PRKD3: variants seen among roughly 807,000 people sequenced by gnomAD.
The protein encoded by PRKD3 is protein kinase D3.
Under a neutral mutation model 99.2 loss-of-function variants are expected in PRKD3, and 47 were observed. The ratio of observed to expected loss-of-function variants is 0.47; its 90% CI spans 0.38 to 0.60. The LOEUF is 0.60. Ranked by LOEUF, PRKD3 falls within the 20% of genes least tolerant of loss-of-function variation. The pLI is 0.00. For missense variants in PRKD3, 1,019 were observed against 1,088.4 expected (o/e 0.94, Z 0.90); for synonymous variants, 392 against 355.4 (o/e 1.10, Z -1.16).
intron 2 of PRKD3, among the ~76,000 whole-genome samples, chr2:37,307,590 T>C (rs1247173742): frequency 2.0e-5 from 3 of 152,222 alleles, no homozygotes; most frequent in African/African-American, 7.2e-5. Context: ...TATGTGTTCT[T>C]TACCAAATGT....
chr2:37,299,321 GA>G (rs1670809721), intron 2 of PRKD3, among the ~76,000 whole-genome samples: 1 of 152,042 alleles, frequency 6.6e-6, no homozygotes, highest in Admixed American at 6.6e-5. Context: ...AAGACTCCTT[GA>G]GTAAGACCTG....
chr2:37,272,740 T>A (rs1669346454), intron 11 of PRKD3, among the ~76,000 whole-genome samples: 1 of 152,156 alleles, frequency 6.6e-6, no homozygotes. Context: ...GTAATCCCAG[T>A]GCATTAGGAC....
intron 2 of PRKD3, among the ~76,000 whole-genome samples, chr2:37,302,491 T>C (rs867804540): frequency 6.6e-6 from 1 of 152,220 alleles, no homozygotes; most frequent in Non-Finnish European, 1.5e-5. Flanking sequence ...TTAACATTTT[T>C]AAGTAAAAGG....
At chr2:37,301,842 T>C (rs1670945370) in intron 2 of PRKD3, among the ~76,000 whole-genome samples, 1 of 152,242 alleles carries the variant, frequency 6.6e-6, no homozygotes, top group Non-Finnish European at 1.5e-5. Context: ...AGTTTATTCC[T>C]CTAGGGCAAT....
chr2:37,285,126 TG>T (rs147253165), intron 6 of PRKD3, among the ~76,000 whole-genome samples: 21,667 of 152,106 alleles, frequency 0.14, 1,688 homozygotes, highest in South Asian at 0.26. Context: ...GCTAATTACA[TG>T]AAAAAAGTAT....
At chr2:37,302,137 C>T (rs976861951) in intron 2 of PRKD3, among the ~76,000 whole-genome samples, 5 of 152,156 alleles carry the variant, frequency 3.3e-5, no homozygotes, top group Non-Finnish European at 2.9e-5. Context: ...ACCTGGCCTA[C>T]CTCATCCTTG....
At chr2:37,257,052 T>A in intron 16 of PRKD3, 123 bp from the exon 17 acceptor site, 1 of 1,070,220 alleles carries the variant, frequency 9.3e-7, no homozygotes, top group Non-Finnish European at 1.3e-6. Flanking sequence ...TTATGAATAT[T>A]AATCACAGAT....
At chr2:37,276,766 T>C (rs1426697491) in intron 9 of PRKD3, among the ~76,000 whole-genome samples, 1 of 150,982 alleles carries the variant, frequency 6.6e-6, no homozygotes, top group Non-Finnish European at 1.5e-5. Context: ...ATGTATAAAG[T>C]ATGAGGTGTG....
chr2:37,275,413 G>A (rs929713055), intron 10 of PRKD3, among the ~76,000 whole-genome samples: 2 of 152,142 alleles, frequency 1.3e-5, no homozygotes, highest in African/African-American at 4.8e-5. Flanking sequence ...TAAGGTGGAA[G>A]GTGGGAGAAA....
chr2:37,276,295 G>A lies in PRKD3; in HGVS notation c.1297-451C>T, dbSNP rs555401262. On this transcript the variant is annotated intron_variant, in intron 9 of 18. Coordinates refer to ENST00000234179, the MANE Select transcript of PRKD3 (RefSeq NM_005813.6). ...CCCAATTTATAGTCTCTTCAGCAAC[G>A]TATGAGAGTCCCTAGTTACTCACAC... 7.9e-5 allele frequency among the ~76,000 whole-genome samples: 12 copies of A among 152,180 alleles called. No individual in the cohort carries two copies. The South Asian group carries it at 8.3e-4, about 11-fold the overall frequency.
In PRKD3 at chr2:37,260,208, A is replaced by G; in HGVS notation, c.2046+15T>C. 1.3e-6 allele frequency: 2 copies of G among 1,569,598 alleles called. No homozygotes were observed. The highest frequency in any genetic ancestry group is 1.2e-5 in the South Asian group (1 of 84,216). On this transcript the variant is annotated intron_variant, in intron 15 of 18. Transcript: ENST00000234179. Reference sequence around the variant, plus strand: ...TTTTAATCGCTAGTTTAAAAAAAAAAAGGAGTTAAAATACCTGTGTGACCA... The same window carrying G: ...TTTTAATCGCTAGTTTAAAAAAAAAGAGGAGTTAAAATACCTGTGTGACCA...
intron 2 of PRKD3, among the ~76,000 whole-genome samples, chr2:37,302,333 G>A (rs560807823): frequency 6.6e-6 from 1 of 152,240 alleles, no homozygotes; most frequent in African/African-American, 2.4e-5. Context: ...CAGTCCATAT[G>A]GGAATGCAAC....
intron 6 of PRKD3, among the ~76,000 whole-genome samples, chr2:37,284,918 A>G (rs1002160589): frequency 1.3e-5 from 2 of 152,118 alleles, no homozygotes; most frequent in African/African-American, 4.8e-5. Flanking sequence ...CATTAGGTAT[A>G]TCTCCTAATG....
chr2:37,303,041 G>A (rs1671007042), intron 2 of PRKD3, among the ~76,000 whole-genome samples: 1 of 152,078 alleles, frequency 6.6e-6, no homozygotes, highest in South Asian at 2.1e-4. Context: ...CCCAACCCCT[G>A]TCCTGTGCCT....
At chr2:37,288,188 C>T (rs1670212555) in intron 5 of PRKD3, among the ~76,000 whole-genome samples, 1 of 152,188 alleles carries the variant, frequency 6.6e-6, no homozygotes. Flanking sequence ...GGGCTCTTGA[C>T]ATACCTCTAT....
intron 4 of PRKD3, 51 bp downstream of exon 4, chr2:37,290,817 G>A (rs1283228062): frequency 6.6e-7 from 1 of 1,504,226 alleles, no homozygotes; most frequent in Admixed American, 2.0e-5. Context: ...AATAAAAAAT[G>A]CAAATGTGGA....
chr2:37,287,595 A>G (rs1670182605), intron 5 of PRKD3, among the ~76,000 whole-genome samples: 1 of 151,932 alleles, frequency 6.6e-6, no homozygotes, highest in Admixed American at 6.6e-5. Context: ...ATCTGTTCAT[A>G]TAGCTAGATG....
chr2:37,276,786 G>A (rs886507889), intron 9 of PRKD3, among the ~76,000 whole-genome samples: 2 of 148,212 alleles, frequency 1.3e-5, no homozygotes, highest in African/African-American at 5.0e-5. Context: ...GTGTATATAT[G>A]TATATATACA....
chr2:37,296,234 G>T (rs1670668445), intron 2 of PRKD3, among the ~76,000 whole-genome samples: 1 of 152,026 alleles, frequency 6.6e-6, no homozygotes, highest in South Asian at 2.1e-4. Flanking sequence ...CCAAGAGAAG[G>T]AAAACAACAT....
Sources: gnomAD v4.1 joint callset for allele counts (sites outside exome capture counted in the v4.1 genomes callset) on GRCh38, gnomAD v4.1.1 for gene constraint, MANE v1.5 for transcripts, NCBI Gene and HGNC (gene_info 2026-07-23, HGNC 2026-07-21) for gene names.